ANKRD26: variants seen among roughly 807,000 people sequenced by gnomAD.
ANKRD26 encodes ankyrin repeat domain-containing protein 26.
ANKRD26 carries 141 observed loss-of-function variants against 208.7 expected under a neutral mutation model. The observed-to-expected ratio is 0.68, with a 90% CI of 0.59 to 0.78. ANKRD26 has a LOEUF of 0.78. ANKRD26 is among the 30% of genes least tolerant of loss of function. ANKRD26 has a pLI of 0.00. For missense variants in ANKRD26, 1,889 were observed against 1,938.7 expected (o/e 0.97, Z 0.48); for synonymous variants, 636 against 660.4 (o/e 0.96, Z 0.57).
intron 32 of ANKRD26, 99 bp downstream of exon 32, chr10:27,012,783 G>A: frequency 1.6e-6 from 2 of 1,225,648 alleles, no homozygotes. Context: ...CTGCACTCCA[G>A]CCTGGACAAC....
chr10:27,094,407 G>C (rs1017894697), intron 1 of ANKRD26, among the ~76,000 whole-genome samples: 1 of 152,074 alleles, frequency 6.6e-6, no homozygotes, highest in Non-Finnish European at 1.5e-5. Flanking sequence ...AATAGAAAAG[G>C]CTTGACCTTT....
intron 27 of ANKRD26, among the ~76,000 whole-genome samples, chr10:27,028,164 C>T (rs1249911425): frequency 6.6e-6 from 1 of 152,098 alleles, no homozygotes; most frequent in Non-Finnish European, 1.5e-5. Context: ...AATTTGAAAT[C>T]CAAAATGTTC....
intron 28 of ANKRD26, 35 bp from the exon 29 acceptor site, chr10:27,022,722 T>C (rs775794358): frequency 1.3e-6 from 2 of 1,550,944 alleles, no homozygotes; most frequent in East Asian, 4.7e-5. Flanking sequence ...ACTCAAGTTT[T>C]AAAAAGGCAA....
chr10:27,067,104 C>T (rs2055279676), intron 10 of ANKRD26, 53 bp downstream of exon 10: 6 of 1,592,088 alleles, frequency 3.8e-6, no homozygotes, highest in South Asian at 1.1e-5. Context: ...ACATCTGGAC[C>T]CCAGAATAGA....
chr10:26,953,858 C>T, the ANKRD26 span, among the ~76,000 whole-genome samples: 1 of 152,060 alleles, frequency 6.6e-6, no homozygotes, highest in African/African-American at 2.4e-5. Flanking sequence ...CATGTATTGC[C>T]CAGCAGCTAT....
chr10:27,095,308 C>T (rs917966131), intron 1 of ANKRD26, among the ~76,000 whole-genome samples: 1 of 152,086 alleles, frequency 6.6e-6, no homozygotes, highest in African/African-American at 2.4e-5. Flanking sequence ...GTGTTTAAGA[C>T]ATAAATTTTC....
intron 25 of ANKRD26, among the ~76,000 whole-genome samples, chr10:27,032,653 C>A (rs959974455): frequency 1.7e-3 from 234 of 135,946 alleles, no homozygotes; most frequent in East Asian, 3.8e-3. Flanking sequence ...AAACAAAAAA[C>A]AAAAAACAAA....
chr10:27,005,336 T>C lies in ANKRD26; in HGVS notation c.*254A>G. ...ACTGCACTAAAGTATTAATGACAACTTAGTGGTTTGGCTGTTTAAACAGCT... is the reference window on the plus strand; with the variant it reads ...ACTGCACTAAAGTATTAATGACAACCTAGTGGTTTGGCTGTTTAAACAGCT... On this transcript the variant is annotated 3_prime_UTR_variant, in exon 34 of 34. Coordinates refer to ENST00000376087, the MANE Select transcript of ANKRD26 (RefSeq NM_014915.3). 8.5e-7 allele frequency: 1 copy of C among 1,170,488 alleles called. No homozygotes were observed. Among genetic ancestry groups the C allele is most frequent in the Non-Finnish European group, 1.1e-6 (1 of 944,036 alleles). The allele number at this position is 1,170,488 out of a possible 1,614,324, so 72.5% of individuals were successfully genotyped here.
chr10:27,010,701 C>A (rs1006403554), intron 32 of ANKRD26, among the ~76,000 whole-genome samples: 7 of 151,990 alleles, frequency 4.6e-5, no homozygotes, highest in Admixed American at 4.6e-4. Flanking sequence ...TCTCACTATG[C>A]CTCACTATGT....
In ANKRD26 at chr10:27,046,362, T is replaced by C. The variant is rs117199516; in HGVS notation, c.1976A>G (p.Asp659Gly). The C allele has an allele frequency of 6.2e-6, 10 of 1,614,030 alleles. No individual in the cohort carries two copies. In the East Asian group the frequency reaches 2.0e-4, roughly 32 times the overall value. Residue 659 changes from aspartate to glycine, a missense_variant, in exon 18 of 34, where the codon GAT (aspartate) becomes GGT (glycine). By Grantham distance (94) the Asp-to-Gly change is moderately conservative. Around this residue, in one of 3 missense-constraint regions of ANKRD26, gnomAD observed 1,272 missense variants for 1,273.8 expected, o/e 1.00. Transcript: ENST00000376087. The part of the protein sequence containing the change: ...DDSSLSEIDE[D>G]EGRPTKKTSN... ...AAATCATAGATTTTACCTTCCTTCA[T>C]CCTCATCTATTTCACTTAAACTGCT...
chr10:27,100,006 G>T, intron 1 of ANKRD26, 79 bp downstream of exon 1: 1 of 1,602,260 alleles, frequency 6.2e-7, no homozygotes. Flanking sequence ...CCAGGCCCTG[G>T]GTGGCTCCCA....
chr10:26,972,249 AAAG>A (rs1163886884), downstream of ANKRD26, among the ~76,000 whole-genome samples: 12 of 151,834 alleles, frequency 7.9e-5, no homozygotes, highest in East Asian at 3.9e-4. Flanking sequence ...AAAAAAAAAA[AAAG>A]AAAATTATAG....
chr10:27,046,142 G>A (rs779519134), intron 18 of ANKRD26: 80 of 533,240 alleles, frequency 1.5e-4, no homozygotes, highest in Non-Finnish European at 2.3e-4. Context: ...TCTCTCAAAC[G>A]CCGTCTGTGC....
chr10:27,008,909 G>A (rs894412725), intron 32 of ANKRD26, among the ~76,000 whole-genome samples: 4 of 151,956 alleles, frequency 2.6e-5, no homozygotes, highest in African/African-American at 9.7e-5. Context: ...GAGTAATCTC[G>A]GCTCACTGTA....
downstream of ANKRD26, among the ~76,000 whole-genome samples, chr10:26,973,807 C>T (rs2052184390): frequency 6.6e-6 from 1 of 151,792 alleles, no homozygotes; most frequent in East Asian, 1.9e-4. Context: ...GCACACACCA[C>T]CACGCCTGGC....
the ANKRD26 span, among the ~76,000 whole-genome samples, chr10:26,957,772 T>C: frequency 1.4e-4 from 21 of 152,144 alleles, no homozygotes; most frequent in Middle Eastern, 3.2e-3. Flanking sequence ...TGGTGTAGGA[T>C]TAGATTAGGA....
intron 1 of ANKRD26, among the ~76,000 whole-genome samples, chr10:27,095,366 C>T (rs1366763686): frequency 2.0e-5 from 3 of 152,168 alleles, no homozygotes; most frequent in Admixed American, 1.3e-4. Flanking sequence ...CCTTCAGAAA[C>T]ACTTTTGTTT....
the ANKRD26 span, among the ~76,000 whole-genome samples, chr10:26,955,260 C>G: frequency 3.3e-5 from 5 of 151,920 alleles, no homozygotes; most frequent in African/African-American, 7.3e-5. Context: ...GAAACCCCAT[C>G]TCTACTAAAA....
At position 27,014,484 on chromosome 10, in the gene ANKRD26, T is replaced by TTATAAACTTAC; in HGVS notation, c.4724+9_4724+10insGTAAGTTTATA. On this transcript the variant is annotated intron_variant, in intron 31 of 33. Coordinates refer to ENST00000376087, the MANE Select transcript of ANKRD26 (RefSeq NM_014915.3). The stretch of plus-strand genomic sequence containing the variant: ...TAATTTATTTCCTATGATTCTATAT[T>TTATAAACTTAC]TTGACTTACTTGGTTAGTTTACTTG... 1 of 1,525,600 alleles carries TTATAAACTTAC rather than the reference T, an allele frequency of 6.6e-7. No individual in the cohort carries two copies. The highest frequency in any genetic ancestry group is 9.0e-7 in the Non-Finnish European group (1 of 1,105,960). The allele number at this position is 1,525,600 out of a possible 1,614,324, so 94.5% of individuals were successfully genotyped here.
Sources: allele counts gnomAD v4.1 joint callset (sites outside exome capture counted in the v4.1 genomes callset), GRCh38; gene constraint gnomAD v4.1.1; regional missense constraint gnomAD v4.1.1; transcripts MANE v1.5; gene names NCBI Gene and HGNC (gene_info 2026-07-23, HGNC 2026-07-21).